Variants in GLI3 observed in about 807,000 individuals in gnomAD.
The protein encoded by GLI3 is transcription activator GLI3.
Under a neutral mutation model 100.8 loss-of-function variants are expected in GLI3, and 20 were observed. The observed-to-expected ratio is 0.20, with a 90% CI of 0.14 to 0.29. The LOEUF (loss-of-function observed/expected upper bound fraction) is 0.29. Among genes scored for constraint, GLI3 ranks in the 10% least tolerant of loss-of-function variants. The pLI is 1.00. For synonymous variants in GLI3, 938 were observed against 860.5 expected (o/e 1.09, Z -1.58); for missense variants, 2,040 against 2,128.5 (o/e 0.96, Z 0.82).
At chr7:42,223,098 GC>G (rs1192977457) in intron 2 of GLI3, 31 bp downstream of exon 2, 12 of 1,612,524 alleles carry the variant, frequency 7.4e-6, no homozygotes, top group Non-Finnish European at 1.0e-5. Context: ...ATGACTCCAG[GC>G]TGGGCTGCTG....
At chr7:42,112,133 C>T (rs1246235703) in intron 3 of GLI3, among the ~76,000 whole-genome samples, 1 of 152,264 alleles carries the variant, frequency 6.6e-6, no homozygotes, top group South Asian at 2.1e-4. Flanking sequence ...TTTCATCTGC[C>T]GTCTATGATA....
intron 1 of GLI3, among the ~76,000 whole-genome samples, chr7:42,257,636 G>A (rs2128711419): frequency 6.6e-6 from 1 of 152,124 alleles, no homozygotes; most frequent in African/African-American, 2.4e-5. Context: ...GAGCCACCGT[G>A]CACGTCCCAT....
chr7:42,014,692 A>G (rs1490396918), intron 10 of GLI3, among the ~76,000 whole-genome samples: 2 of 152,146 alleles, frequency 1.3e-5, no homozygotes, highest in Non-Finnish European at 2.9e-5. Flanking sequence ...GTACATCGAT[A>G]GTACTCATAA....
At chr7:42,080,648 C>T (rs930454749) in intron 3 of GLI3, among the ~76,000 whole-genome samples, 10 of 152,186 alleles carry the variant, frequency 6.6e-5, no homozygotes, top group African/African-American at 2.4e-4. Flanking sequence ...TATAGCTTAA[C>T]AGGATAAATG....
At chr7:42,056,755 A>C (rs761718914) in intron 4 of GLI3, among the ~76,000 whole-genome samples, 4 of 151,982 alleles carry the variant, frequency 2.6e-5, no homozygotes, top group Non-Finnish European at 4.4e-5. Context: ...GTTTGAGACC[A>C]GTGTGACCAA....
At chr7:42,006,262 G>A (rs1217022533) in intron 10 of GLI3, among the ~76,000 whole-genome samples, 1 of 152,194 alleles carries the variant, frequency 6.6e-6, no homozygotes, top group Non-Finnish European at 1.5e-5. Flanking sequence ...TCAATGCAGA[G>A]TTAGTGGGGG....
intron 6 of GLI3, among the ~76,000 whole-genome samples, chr7:42,044,493 G>A (rs1784204977): frequency 6.6e-6 from 1 of 152,108 alleles, no homozygotes; most frequent in Admixed American, 6.5e-5. Context: ...ACACACCTAA[G>A]GGACCCCAAA....
chr7:42,142,407 G>A (rs945802880), intron 3 of GLI3, among the ~76,000 whole-genome samples: 3 of 152,060 alleles, frequency 2.0e-5, no homozygotes, highest in Admixed American at 6.5e-5. Context: ...AGAAAAATGC[G>A]GTCTCTCTTG....
chr7:41,982,894 G>A (rs1478465503), intron 10 of GLI3, among the ~76,000 whole-genome samples: 1 of 152,076 alleles, frequency 6.6e-6, no homozygotes, highest in Non-Finnish European at 1.5e-5. Context: ...TAAAATTAGA[G>A]TAATGAATTA....
chr7:42,170,248 T>A (rs1787338034), intron 2 of GLI3, among the ~76,000 whole-genome samples: 1 of 112,164 alleles, frequency 8.9e-6, no homozygotes, highest in African/African-American at 3.7e-5. Context: ...CAAGACTGTG[T>A]TTCAAAAAAA....
At position 41,972,437 on chromosome 7, in the gene GLI3, G is replaced by A. The variant is rs143009880; in HGVS notation, c.2003C>T (p.Pro668Leu). The change falls in exon 13 of 15, where the codon CCG (proline) becomes CTG (leucine). Residue 668 changes from proline to leucine, a missense_variant. Physicochemically the swap from Pro to Leu is moderately conservative, Grantham distance 98. Coordinates refer to ENST00000395925, the MANE Select transcript of GLI3 (RefSeq NM_000168.6). The surrounding 1 kb of genome is among the most constrained non-coding windows in gnomAD (Gnocchi z 4.4). Reference protein sequence around the residue: ...SHSQSRSPGRPTQGALGEQQD... With the variant: ...SHSQSRSPGRLTQGALGEQQD... The stretch of plus-strand genomic sequence containing the variant: ...CTGCTCACCAAGGGCTCCCTGAGTC[G>A]GTCGGCCAGGCGACCTGGACTGTGA... The A allele has an allele frequency of 4.3e-5, 70 of 1,613,626 alleles. No homozygotes were observed. Among genetic ancestry groups the A allele is most frequent in the Admixed American group, 1.2e-4 (7 of 59,946 alleles).
intron 2 of GLI3, among the ~76,000 whole-genome samples, chr7:42,169,020 A>G (rs34771804): frequency 0.061 from 9,359 of 152,296 alleles, 289 homozygotes; most frequent in Admixed American, 0.11. Flanking sequence ...TCTTGAGCCT[A>G]ATTCTAGCTT....
At chr7:42,077,976 G>T (rs1784915614) in intron 3 of GLI3, among the ~76,000 whole-genome samples, 2 of 152,192 alleles carry the variant, frequency 1.3e-5, no homozygotes, top group African/African-American at 4.8e-5. Context: ...AGCCAACACT[G>T]CTGAGGATTG....
intron 1 of GLI3, among the ~76,000 whole-genome samples, chr7:42,255,712 T>C (rs1031000480): frequency 2.6e-5 from 4 of 152,218 alleles, no homozygotes; most frequent in Non-Finnish European, 5.9e-5. Flanking sequence ...TACTCATCAA[T>C]TGATAGGCAT....
At chr7:42,055,818 T>C (rs141318425) in intron 4 of GLI3, among the ~76,000 whole-genome samples, 1 of 152,242 alleles carries the variant, frequency 6.6e-6, no homozygotes, top group Non-Finnish European at 1.5e-5. Flanking sequence ...AAAAACTACA[T>C]GTATAACCAC....
intron 3 of GLI3, among the ~76,000 whole-genome samples, chr7:42,111,583 T>C (rs753480321): frequency 1.3e-5 from 2 of 152,206 alleles, no homozygotes; most frequent in Non-Finnish European, 2.9e-5. Context: ...TCATTTTCTA[T>C]GGGCCAAAGG....
At chr7:42,208,062 G>C (rs956931873) in intron 2 of GLI3, among the ~76,000 whole-genome samples, 2 of 152,204 alleles carry the variant, frequency 1.3e-5, no homozygotes, top group Non-Finnish European at 2.9e-5. Context: ...AGGAGGCTGA[G>C]GCAGGAGAAT....
intron 4 of GLI3, among the ~76,000 whole-genome samples, chr7:42,073,349 C>T (rs776472156): frequency 2.6e-5 from 4 of 152,098 alleles, no homozygotes; most frequent in Non-Finnish European, 4.4e-5. Context: ...GACGTATTTC[C>T]GTACATATTT....
chr7:42,198,878 A>G (rs1237886077), intron 2 of GLI3, among the ~76,000 whole-genome samples: 1 of 152,028 alleles, frequency 6.6e-6, no homozygotes, highest in East Asian at 1.9e-4. Context: ...GACATAATTA[A>G]TGGTGTCAAA....
Sources: allele counts gnomAD v4.1 joint callset (sites outside exome capture counted in the v4.1 genomes callset), GRCh38; gene constraint gnomAD v4.1.1; non-coding constraint Gnocchi (gnomAD v3.1); transcripts MANE v1.5; gene names NCBI Gene and HGNC (gene_info 2026-07-23, HGNC 2026-07-21).